SOX5: variants seen among roughly 807,000 people sequenced by gnomAD.
SOX5 encodes the protein transcription factor SOX-5.
SOX5 carries 9 observed loss-of-function variants against 92.0 expected under a neutral mutation model. That is an observed-to-expected ratio of 0.10 (90% CI 0.06 to 0.17). SOX5 has a LOEUF of 0.17. Ranked by LOEUF, SOX5 falls within the 10% of genes least tolerant of loss-of-function variation. The pLI is 1.00. For missense variants in SOX5, 642 were observed against 944.5 expected, an observed-to-expected ratio of 0.68 and a Z score of 4.20; for synonymous variants, 344 against 336.3, an observed-to-expected ratio of 1.02 and a Z score of -0.25.
chr12:23,558,662 G>C (rs779797084), intron 11 of SOX5, among the ~76,000 whole-genome samples: 1 of 152,220 alleles, frequency 6.6e-6, no homozygotes, highest in Non-Finnish European at 1.5e-5. Flanking sequence ...GAGTGCAATG[G>C]CGTGATCCTG....
intron 4 of SOX5, among the ~76,000 whole-genome samples, chr12:24,184,538 A>C (rs374241303): frequency 6.6e-6 from 1 of 152,136 alleles, no homozygotes; most frequent in East Asian, 1.9e-4. Flanking sequence ...CAAAATACTA[A>C]ATGTGATTTT....
intron 3 of SOX5, among the ~76,000 whole-genome samples, chr12:24,258,492 C>T (rs1011861660): frequency 6.6e-6 from 1 of 152,146 alleles, no homozygotes; most frequent in Non-Finnish European, 1.5e-5. Context: ...TAACAACACT[C>T]TTAATAATAA....
In SOX5 at chr12:23,949,611, G is replaced by T. The variant is rs1307992647; in HGVS notation, c.-10C>A. On this transcript the variant is annotated 5_prime_UTR_variant, in exon 1 of 15. Transcript: ENST00000451604. ...CAGGGTCAGTAAGCATGCTGGAAAA[G>T]CACAATTTCCCTTTGTCACAGCAGC... 2 of 1,613,548 alleles carry T rather than the reference G, an allele frequency of 1.2e-6. No individual in the cohort carries two copies. The highest frequency in any genetic ancestry group is 2.7e-5 in the African/African-American group (2 of 74,992).
chr12:24,528,147 G>A (rs1175108692), intron 1 of SOX5, among the ~76,000 whole-genome samples: 4 of 152,194 alleles, frequency 2.6e-5, no homozygotes, highest in Admixed American at 6.5e-5. Flanking sequence ...TGAGAAGGAA[G>A]CTAAGAAATT....
intron 1 of SOX5, among the ~76,000 whole-genome samples, chr12:24,488,227 A>T (rs1246748442): frequency 6.6e-6 from 1 of 152,136 alleles, no homozygotes; most frequent in Non-Finnish European, 1.5e-5. Flanking sequence ...GCCATGTCCT[A>T]TTATTTATTT....
chr12:24,464,046 C>T (rs1008211233), intron 1 of SOX5, among the ~76,000 whole-genome samples: 4 of 152,102 alleles, frequency 2.6e-5, no homozygotes, highest in South Asian at 4.1e-4. Flanking sequence ...ACCTACTGAG[C>T]GGTCGTCTAT....
intron 6 of SOX5, among the ~76,000 whole-genome samples, chr12:23,673,450 T>C (rs1300494837): frequency 6.6e-6 from 1 of 152,148 alleles, no homozygotes; most frequent in Admixed American, 6.6e-5. Flanking sequence ...ATACTGCTAG[T>C]ACAATCTTAC....
chr12:24,398,854 A>G (rs1960752648), intron 1 of SOX5, among the ~76,000 whole-genome samples: 1 of 152,046 alleles, frequency 6.6e-6, no homozygotes, highest in African/African-American at 2.4e-5. Context: ...ATGAGCATAC[A>G]TGAGATACCA....
intron 3 of SOX5, among the ~76,000 whole-genome samples, chr12:24,270,892 T>C (rs915934551): frequency 3.3e-5 from 5 of 152,228 alleles, no homozygotes; most frequent in African/African-American, 4.8e-5. Flanking sequence ...CATTGTACGA[T>C]TGTTCTATAA....
At chr12:24,151,496 C>T (rs1235560247) in intron 4 of SOX5, among the ~76,000 whole-genome samples, 1 of 152,024 alleles carries the variant, frequency 6.6e-6, no homozygotes, top group Admixed American at 6.6e-5. Flanking sequence ...AAGAAAAGTC[C>T]TCTCTGATAC....
chr12:24,377,561 T>C (rs1957413368), intron 1 of SOX5, among the ~76,000 whole-genome samples: 1 of 152,246 alleles, frequency 6.6e-6, no homozygotes, highest in Non-Finnish European at 1.5e-5. Flanking sequence ...GTGTTCATTT[T>C]ATTCTAAAGA....
intron 4 of SOX5, among the ~76,000 whole-genome samples, chr12:24,194,313 T>C (rs1403428516): frequency 1.3e-5 from 2 of 152,104 alleles, no homozygotes; most frequent in Admixed American, 6.6e-5. Flanking sequence ...AGAGAACCTA[T>C]TATCTGATGA....
intron 1 of SOX5, among the ~76,000 whole-genome samples, chr12:24,446,999 A>T (rs1941575297): frequency 6.6e-6 from 1 of 152,190 alleles, no homozygotes; most frequent in Non-Finnish European, 1.5e-5. Context: ...TCAAACAAAT[A>T]TCCATGAGTC....
At chr12:24,406,825 A>G (rs1219127836) in intron 1 of SOX5, among the ~76,000 whole-genome samples, 1 of 152,192 alleles carries the variant, frequency 6.6e-6, no homozygotes, top group Non-Finnish European at 1.5e-5. Context: ...CCCTTCTCCA[A>G]TGCATTTCAA....
intron 3 of SOX5, among the ~76,000 whole-genome samples, chr12:23,838,843 T>TTTGGGC (rs1555374991): frequency 2.6e-5 from 1 of 38,150 alleles, no homozygotes; most frequent in African/African-American, 9.9e-5. Flanking sequence ...TCTTTTTTTT[T>TTTGGGC]GGGGGGGGGG....
At chr12:24,387,620 C>T (rs561060971) in intron 1 of SOX5, among the ~76,000 whole-genome samples, 1 of 152,116 alleles carries the variant, frequency 6.6e-6, no homozygotes. Context: ...GACACACAAG[C>T]TTCTCTGACA....
At chr12:24,421,375 G>A (rs1003641893) in intron 1 of SOX5, among the ~76,000 whole-genome samples, 35 of 152,238 alleles carry the variant, frequency 2.3e-4, no homozygotes, top group African/African-American at 8.2e-4. Context: ...TATGTTACAC[G>A]CTTGTATGTC....
chr12:23,604,306 G>T (rs2074959669), intron 9 of SOX5, 81 bp downstream of exon 9: 1 of 1,466,290 alleles, frequency 6.8e-7, no homozygotes, highest in African/African-American at 1.4e-5. Context: ...CTAGCTGCTG[G>T]CATACAATAG....
chr12:24,311,699 T>C (rs1431631005), intron 2 of SOX5, among the ~76,000 whole-genome samples: 3 of 152,208 alleles, frequency 2.0e-5, no homozygotes, highest in African/African-American at 7.2e-5. Flanking sequence ...TTCATGTTTA[T>C]TGAATTCTTG....
Sources: allele counts gnomAD v4.1 joint callset (sites outside exome capture counted in the v4.1 genomes callset), GRCh38; gene constraint gnomAD v4.1.1; transcripts MANE v1.5; gene names NCBI Gene and HGNC (gene_info 2026-07-23, HGNC 2026-07-21).